The following SPAG16 variants were observed in gnomAD, a reference collection of about 807,000 sequenced individuals.
The protein encoded by SPAG16 is sperm associated antigen 16.
SPAG16 carries 86 observed loss-of-function variants against 80.4 expected under a neutral mutation model. That is an observed-to-expected ratio of 1.07 (90% CI 0.90 to 1.28). The LOEUF (loss-of-function observed/expected upper bound fraction) is 1.28, where lower values mean the gene tolerates loss of function less well. SPAG16 is among the 50% of genes most tolerant of loss of function. The probability of loss-of-function intolerance (pLI) is 0.00; values close to 1 mark genes in which losing one functional copy is unlikely to be tolerated. For synonymous variants in SPAG16, 294 were observed against 265.9 expected (o/e 1.11, Z -1.03); for missense variants, 870 against 765.3 (o/e 1.14, Z -1.61).
Position 213,833,516 on chromosome 2 carries a change from TATATAA to T in SPAG16, c.1071-28968_1071-28963del, listed in dbSNP as rs2073863542. Among the ~76,000 whole-genome samples, 10 of 5,560 alleles carry T rather than the reference TATATAA, an allele frequency of 1.8e-3. 4 individuals carry two copies. Among genetic ancestry groups the T allele is most frequent in the Admixed American group, 7.8e-3 (2 of 258 alleles). 3.6% of individuals were successfully genotyped at this position (5,560 alleles called of 152,430 possible). A position where few individuals can be genotyped will look rare whatever the true frequency, so the allele number is the denominator to read the frequency against. On this transcript the variant is annotated intron_variant, in intron 10 of 15. Transcript: ENST00000331683. ...TATAATATATATATTATATATAATATATATAATATATATATTATATATAATATATAT... is the reference window on the plus strand; with the variant it reads ...TATAATATATATATTATATATAATATTATATATATTATATATAATATATAT...
chr2:214,157,427 T>G (rs1230118308), intron 15 of SPAG16, among the ~76,000 whole-genome samples: 9 of 152,252 alleles, frequency 5.9e-5, no homozygotes, highest in African/African-American at 2.2e-4. Flanking sequence ...TATTTTTCTC[T>G]TTGATTTTGT....
intron 10 of SPAG16, among the ~76,000 whole-genome samples, chr2:213,574,417 G>A (rs2060041898): frequency 6.6e-6 from 1 of 151,994 alleles, no homozygotes; most frequent in African/African-American, 2.4e-5. Flanking sequence ...GAGTAATTGT[G>A]GTAAGAAAAT....
At chr2:213,949,936 C>T (rs1006214385) in intron 12 of SPAG16, among the ~76,000 whole-genome samples, 9 of 152,096 alleles carry the variant, frequency 5.9e-5, no homozygotes, top group African/African-American at 1.7e-4. Flanking sequence ...AATTCTTACA[C>T]GTGTGAACAA....
intron 10 of SPAG16, among the ~76,000 whole-genome samples, chr2:213,712,494 C>G (rs2066043659): frequency 6.6e-6 from 1 of 152,152 alleles, no homozygotes; most frequent in Non-Finnish European, 1.5e-5. Flanking sequence ...CCATCTAAGC[C>G]AGACTTGTAA....
At chr2:214,146,226 T>C (rs1349459605) in intron 14 of SPAG16, among the ~76,000 whole-genome samples, 1 of 152,180 alleles carries the variant, frequency 6.6e-6, no homozygotes, top group Admixed American at 6.5e-5. Context: ...CCTTCCCACA[T>C]CTCTCCATCT....
chr2:213,554,147 A>G (rs1005860307), intron 10 of SPAG16, among the ~76,000 whole-genome samples: 2 of 152,200 alleles, frequency 1.3e-5, no homozygotes. Flanking sequence ...CTGGTATGAG[A>G]AAAGGAGGTC....
intron 12 of SPAG16, among the ~76,000 whole-genome samples, chr2:213,938,611 T>TATA (rs1259629265): frequency 1.3e-5 from 2 of 151,976 alleles, no homozygotes; most frequent in African/African-American, 4.8e-5. Flanking sequence ...CCACTATTAT[T>TATA]ATATCCCTAA....
Position 213,995,436 on chromosome 2 carries a change from T to C in SPAG16, c.1401-18515T>C, listed in dbSNP as rs560690574. 4.6e-5 allele frequency among the ~76,000 whole-genome samples: 7 copies of C among 152,340 alleles called. 1 individual carries two copies. The highest frequency in any genetic ancestry group is 1.7e-4 in the African/African-American group (7 of 41,580). On this transcript the variant is annotated intron_variant, in intron 12 of 15. Coordinates refer to ENST00000331683, the MANE Select transcript of SPAG16 (RefSeq NM_024532.5). ...CTCTTCTTGCCATGAATAGCATATA[T>C]GGAATTACTTTTAAATATGTGATGA...
In SPAG16 at chr2:213,409,719, T is replaced by A. The variant is rs1379263032; in HGVS notation, c.942+34600T>A. Among the ~76,000 whole-genome samples the A allele has an allele frequency of 2.6e-5, 4 of 152,276 alleles. No individual in the cohort carries two copies. The East Asian group carries it at 7.7e-4, about 29-fold the overall frequency. ...AAATTTAGCTCATCGGGTATAAAAA[T>A]CATACAAGAAGCATTATCAAATATA... On this transcript the variant is annotated intron_variant, in intron 9 of 15. Coordinates refer to ENST00000331683, the MANE Select transcript of SPAG16 (RefSeq NM_024532.5).
intron 15 of SPAG16, among the ~76,000 whole-genome samples, chr2:214,364,467 GCTA>G (rs1019837209): frequency 2.0e-5 from 3 of 151,954 alleles, no homozygotes; most frequent in African/African-American, 7.3e-5. Context: ...TTATATTTAT[GCTA>G]CTGTTTGCCT....
chr2:213,968,155 C>CCTATT (rs2044811681), intron 12 of SPAG16, among the ~76,000 whole-genome samples: 1 of 108,404 alleles, frequency 9.2e-6, no homozygotes, highest in East Asian at 2.9e-4. Flanking sequence ...TCTCTTCTCT[C>CCTATT]CTCTTCTCTT....
At chr2:213,982,697 T>C (rs2045819258) in intron 12 of SPAG16, among the ~76,000 whole-genome samples, 2 of 149,484 alleles carry the variant, frequency 1.3e-5, no homozygotes, top group African/African-American at 4.9e-5. Context: ...TATTTGAGAT[T>C]ATAAACTAAC....
chr2:213,998,138 G>T (rs1575774422), intron 12 of SPAG16, among the ~76,000 whole-genome samples: 1 of 152,288 alleles, frequency 6.6e-6, no homozygotes, highest in East Asian at 1.9e-4. Context: ...ATCTCAGCAA[G>T]TATATTTTTA....
At chr2:213,342,373 G>GTATATATATATTACATATATATT in intron 6 of SPAG16, among the ~76,000 whole-genome samples, 2 of 145,396 alleles carry the variant, frequency 1.4e-5, no homozygotes, top group Non-Finnish European at 1.5e-5. Flanking sequence ...ACATATATAT[G>GTATATATATATTACATATATATT]TATTATATAT....
At chr2:213,819,987 A>G (rs1272371079) in intron 10 of SPAG16, among the ~76,000 whole-genome samples, 1 of 145,964 alleles carries the variant, frequency 6.9e-6, no homozygotes, top group Admixed American at 7.0e-5. Context: ...CATGTTGGCC[A>G]GGATGGTCTC....
chr2:213,427,216 T>G (rs986155350), intron 9 of SPAG16, among the ~76,000 whole-genome samples: 12 of 152,270 alleles, frequency 7.9e-5, no homozygotes, highest in Admixed American at 3.9e-4. Flanking sequence ...ACTTTTAAAT[T>G]ATATCACACT....
chr2:213,684,981 A>G (rs1352832067), intron 10 of SPAG16, among the ~76,000 whole-genome samples: 1 of 152,226 alleles, frequency 6.6e-6, no homozygotes, highest in African/African-American at 2.4e-5. Context: ...GGTTTACAGA[A>G]TAAAGCAGAT....
At chr2:213,885,751 C>A (rs2106049621) in intron 11 of SPAG16, among the ~76,000 whole-genome samples, 1 of 152,220 alleles carries the variant, frequency 6.6e-6, no homozygotes, top group South Asian at 2.1e-4. Context: ...CAAAACAATT[C>A]AGGTAAGAAA....
chr2:213,565,288 A>G (rs1039182221), intron 10 of SPAG16, among the ~76,000 whole-genome samples: 2 of 152,246 alleles, frequency 1.3e-5, no homozygotes, highest in Admixed American at 1.3e-4. Flanking sequence ...TGAACAGAAG[A>G]AAGAGATACT....
Sources: gnomAD v4.1 joint callset for allele counts (sites outside exome capture counted in the v4.1 genomes callset) on GRCh38, gnomAD v4.1.1 for gene constraint, MANE v1.5 for transcripts, NCBI Gene and HGNC (gene_info 2026-07-23, HGNC 2026-07-21) for gene names.